USP35: variants seen among roughly 807,000 people sequenced by gnomAD.
USP35 encodes ubiquitin specific peptidase 35.
USP35 carries 69 observed loss-of-function variants against 83.8 expected under a neutral mutation model. The ratio of observed to expected loss-of-function variants is 0.82; its 90% confidence interval spans 0.68 to 1.01. The LOEUF (loss-of-function observed/expected upper bound fraction) is 1.01. USP35 is among the 50% of genes least tolerant of loss of function. The probability of loss-of-function intolerance (pLI) is 0.00; values close to 1 mark genes in which losing one functional copy is unlikely to be tolerated. For missense variants in USP35, 1,503 were observed against 1,362.5 expected, an observed-to-expected ratio of 1.10 and a Z score of -1.62; for synonymous variants, 714 against 589.5, an observed-to-expected ratio of 1.21 and a Z score of -3.06.
the USP35 span, chr11:78,226,965 T>A: frequency 6.2e-7 from 1 of 1,613,504 alleles, no homozygotes; most frequent in Non-Finnish European, 8.5e-7. Context: ...GTTGACACAG[T>A]GTCCATTGCC....
At chr11:78,208,348 G>A (rs1202598378) in intron 8 of USP35, among the ~76,000 whole-genome samples, 1 of 152,226 alleles carries the variant, frequency 6.6e-6, no homozygotes, top group Admixed American at 6.5e-5. Flanking sequence ...CAGCCTGAGA[G>A]CTGTTGAGGG....
intron 10 of USP35, among the ~76,000 whole-genome samples, chr11:78,212,304 G>A (rs1184183518): frequency 6.6e-6 from 1 of 152,066 alleles, no homozygotes; most frequent in East Asian, 1.9e-4. Flanking sequence ...CTATGTGTCT[G>A]TTTTTATACC....
the USP35 span, chr11:78,220,325 G>T: frequency 6.2e-7 from 1 of 1,612,488 alleles, no homozygotes; most frequent in East Asian, 2.2e-5. Context: ...GCACCTTGCG[G>T]TGGGGGCTTG....
Position 78,200,156 on chromosome 11 carries a change from C to T in USP35, c.960C>T (p.Pro320=), listed in dbSNP as rs1448675125. ...IEKVFSKLLY[P]IVRGAALSVL... is the part of the protein sequence containing the mutation. ...AGGTTTTCTCTAAGCTGCTGTACCC[C>T]ATCGTCCGGGGAGCTGCCTTGTCTG... is the stretch of plus-strand genomic sequence containing the variant. The change falls in exon 5 of 11, where the codon CCC becomes CCT. Residue 320 remains proline (P), a synonymous_variant. Transcript: ENST00000529308. 1.2e-5 allele frequency: 19 copies of T among 1,614,096 alleles called. No individual in the cohort carries two copies. The highest frequency in any genetic ancestry group is 1.5e-5 in the Non-Finnish European group (18 of 1,180,044).
In USP35 at chr11:78,196,021, C is replaced by T. The variant is rs563853192; in HGVS notation, c.-10-215C>T. Among the ~76,000 whole-genome samples the T allele has an allele frequency of 1.6e-3, 244 of 152,356 alleles. 1 individual carries two copies. Among genetic ancestry groups the T allele is most frequent in the African/African-American group, 5.5e-3 (227 of 41,592 alleles). The stretch of plus-strand genomic sequence containing the variant: ...GGGATTACAGGTGTGAGTCACCACG[C>T]AGGCCCCTGGCATTTATTATGTGCC... On this transcript the variant is annotated intron_variant, in intron 1 of 10. Transcript: ENST00000529308. The surrounding 1 kb of genome is among the most constrained non-coding windows in gnomAD (Gnocchi z 4.8).
At chr11:78,227,826 AAAC>A in the USP35 span, among the ~76,000 whole-genome samples, 49 of 152,202 alleles carry the variant, frequency 3.2e-4, 1 homozygote, top group Admixed American at 2.3e-3. Flanking sequence ...CAACACAAAC[AAAC>A]AACAAACTAT....
At chr11:78,228,891 G>C in the USP35 span, among the ~76,000 whole-genome samples, 1 of 152,160 alleles carries the variant, frequency 6.6e-6, no homozygotes, top group African/African-American at 2.4e-5. Flanking sequence ...CATTTTTTTG[G>C]TGCCTTTCAT....
chr11:78,216,703 A>T (rs950637996), downstream of USP35: 4 of 152,246 alleles, frequency 2.6e-5, no homozygotes, highest in Non-Finnish European at 5.9e-5. Context: ...GTCCACTCAC[A>T]TCATGGCACA....
At chr11:78,236,672 T>A in the USP35 span, among the ~76,000 whole-genome samples, 4 of 152,258 alleles carry the variant, frequency 2.6e-5, no homozygotes, top group African/African-American at 7.2e-5. Flanking sequence ...TACTTTTTTT[T>A]CAATGAAGTA....
intron 1 of USP35, among the ~76,000 whole-genome samples, chr11:78,191,560 TCTC>T (rs1244675593): frequency 1.3e-5 from 2 of 152,128 alleles, no homozygotes; most frequent in South Asian, 2.1e-4. Flanking sequence ...TGGACTCTGT[TCTC>T]CTCTAGGACA....
chr11:78,223,271 G>A, the USP35 span: 2 of 626,860 alleles, frequency 3.2e-6, no homozygotes, highest in Non-Finnish European at 5.2e-6. Flanking sequence ...GCATTTCACA[G>A]ATAAGAAAAC....
intron 4 of USP35, 31 bp downstream of exon 4, chr11:78,199,755 A>G (rs201066960): frequency 2.6e-4 from 419 of 1,613,912 alleles, no homozygotes; most frequent in Admixed American, 4.2e-4. Context: ...CCAGAGTTAC[A>G]GCCTTTTGTA....
At chr11:78,206,118 T>G in intron 7 of USP35, 83 bp downstream of exon 7, 13 of 1,457,456 alleles carry the variant, frequency 8.9e-6, no homozygotes, top group Non-Finnish European at 1.0e-5. Flanking sequence ...GTGTCCGGGG[T>G]GGGGGTTGGA....
intron 2 of USP35, among the ~76,000 whole-genome samples, 171 bp downstream of exon 2, chr11:78,197,089 A>G (rs1450216453): frequency 6.6e-6 from 1 of 152,134 alleles, no homozygotes; most frequent in Non-Finnish European, 1.5e-5. Context: ...AGGTGACACA[A>G]CTGTCTAGAG....
chr11:78,213,930 C>A lies in USP35; in HGVS notation c.*117C>A. On this transcript the variant is annotated 3_prime_UTR_variant, in exon 11 of 11. Coordinates refer to ENST00000529308, the MANE Select transcript of USP35 (RefSeq NM_020798.4). ...TGGTACAGCTCATGGCACCTTAGTCCTCAGCCTGATGAAGGGTACACAGAG... is the reference window on the plus strand; with the variant it reads ...TGGTACAGCTCATGGCACCTTAGTCATCAGCCTGATGAAGGGTACACAGAG... 1 of 1,199,980 alleles carries A rather than the reference C, an allele frequency of 8.3e-7. No homozygotes were observed. The highest frequency in any genetic ancestry group is 1.1e-6 in the Non-Finnish European group (1 of 889,508). 74.3% of individuals were successfully genotyped at this position (1,199,980 alleles called of 1,614,324 possible).
chr11:78,226,366 A>G, the USP35 span: 1 of 954,078 alleles, frequency 1.0e-6, no homozygotes. Flanking sequence ...GTGGTTCGTA[A>G]GTTCCCCTCG....
At chr11:78,223,674 T>C in the USP35 span, 1 of 1,593,988 alleles carries the variant, frequency 6.3e-7, no homozygotes, top group East Asian at 2.2e-5. Flanking sequence ...TCATTTTCCC[T>C]GGCTAGGGAG....
chr11:78,200,018 T>C (rs1341949709), intron 4 of USP35, 115 bp from the exon 5 acceptor site: 1 of 1,141,276 alleles, frequency 8.8e-7, no homozygotes, highest in Non-Finnish European at 1.3e-6. Context: ...TCAGTGTTGA[T>C]CCCTCTGCAT....
At chr11:78,203,156 T>C (rs1205769216) in intron 6 of USP35, among the ~76,000 whole-genome samples, 1 of 152,042 alleles carries the variant, frequency 6.6e-6, no homozygotes, top group African/African-American at 2.4e-5. Context: ...CTTTATAAGA[T>C]GATACAGATA....
Sources: gnomAD v4.1 joint callset for allele counts (sites outside exome capture counted in the v4.1 genomes callset) on GRCh38, gnomAD v4.1.1 for gene constraint, Gnocchi (gnomAD v3.1) non-coding constraint, MANE v1.5 for transcripts, NCBI Gene and HGNC (gene_info 2026-07-23, HGNC 2026-07-21) for gene names.